Variants in AGPS observed in about 807,000 individuals in gnomAD.
The protein encoded by AGPS is alkyldihydroxyacetonephosphate synthase, peroxisomal.
Under a neutral mutation model 90.7 loss-of-function variants are expected in AGPS, and 26 were observed. The observed-to-expected ratio is 0.29, with a 90% confidence interval of 0.21 to 0.40. The LOEUF is 0.40. Among genes scored for constraint, AGPS ranks in the 10% least tolerant of loss-of-function variants. AGPS has a pLI of 1.00. For synonymous variants in AGPS, 294 were observed against 285.3 expected, an observed-to-expected ratio of 1.03 and a Z score of -0.31; for missense variants, 540 against 816.1, an observed-to-expected ratio of 0.66 and a Z score of 4.12.
At chr2:177,454,146 G>T (rs1347232553) in intron 8 of AGPS, among the ~76,000 whole-genome samples, 1 of 151,056 alleles carries the variant, frequency 6.6e-6, no homozygotes, top group East Asian at 2.0e-4. Context: ...GAAAAACTTT[G>T]TCCATTATTT....
At position 177,392,976 on chromosome 2, in the gene AGPS, G is replaced by A. The variant is rs1685062532; in HGVS notation, c.187G>A (p.Ala63Thr). 2 of 1,549,914 alleles carry A rather than the reference G, an allele frequency of 1.3e-6. No individual in the cohort carries two copies. The highest frequency in any genetic ancestry group is 2.0e-5 in the Admixed American group (1 of 50,962). ...LSTNECKARRAASAATAAPTA... is the reference protein window; with the variant it reads ...LSTNECKARRTASAATAAPTA... Reference sequence around the variant, plus strand: ...TACCAATGAGTGCAAAGCGCGGAGAGCCGCGTCGGCGGCCACGGCAGCGCC... The same window carrying A: ...TACCAATGAGTGCAAAGCGCGGAGAACCGCGTCGGCGGCCACGGCAGCGCC... The change falls in exon 1 of 20, where the codon GCC becomes ACC. Residue 63 changes from alanine (A) to threonine (T), a missense_variant. Coordinates refer to ENST00000264167, the MANE Select transcript of AGPS (RefSeq NM_003659.4).
At chr2:177,405,673 G>GTTTTTTTTTTTTTTTTTTTTTTT (rs56860445) in intron 1 of AGPS, among the ~76,000 whole-genome samples, 1 of 144,908 alleles carries the variant, frequency 6.9e-6, no homozygotes. Context: ...CTATTCTGTT[G>GTTTTTTTTTTTTTTTTTTTTTTT]TTTTTTTTTT....
intron 2 of AGPS, among the ~76,000 whole-genome samples, chr2:177,429,110 A>T (rs1396502555): frequency 6.6e-6 from 1 of 151,994 alleles, no homozygotes; most frequent in Non-Finnish European, 1.5e-5. Flanking sequence ...TGCTATTGAT[A>T]CTTGTGATTG....
At chr2:177,401,755 A>T (rs996994416) in intron 1 of AGPS, among the ~76,000 whole-genome samples, 1 of 152,130 alleles carries the variant, frequency 6.6e-6, no homozygotes, top group Non-Finnish European at 1.5e-5. Flanking sequence ...CTGTTGGACC[A>T]TGCTAGTCTC....
chr2:177,420,403 C>G (rs1341371593), intron 2 of AGPS, 45 bp downstream of exon 2: 1 of 1,409,090 alleles, frequency 7.1e-7, no homozygotes, highest in Non-Finnish European at 1.0e-6. Flanking sequence ...TTAATTCTTT[C>G]TTTCTATGAA....
chr2:177,423,692 C>G (rs1685995803), intron 2 of AGPS, among the ~76,000 whole-genome samples: 1 of 152,156 alleles, frequency 6.6e-6, no homozygotes, highest in Non-Finnish European at 1.5e-5. Context: ...TTTGACATTT[C>G]AAGCCCAGGC....
chr2:177,466,653 G>T (rs1687456487), intron 9 of AGPS, among the ~76,000 whole-genome samples: 1 of 152,222 alleles, frequency 6.6e-6, no homozygotes, highest in African/African-American at 2.4e-5. Context: ...GAGGCAGCAG[G>T]GTGCTGGCAT....
intron 2 of AGPS, among the ~76,000 whole-genome samples, chr2:177,431,787 T>C (rs904588266): frequency 3.9e-5 from 6 of 152,174 alleles, no homozygotes; most frequent in African/African-American, 9.7e-5. Context: ...ATTGCTGTTA[T>C]TCTGTTCGTT....
At chr2:177,437,703 T>G (rs1686456476) in intron 5 of AGPS, among the ~76,000 whole-genome samples, 1 of 152,142 alleles carries the variant, frequency 6.6e-6, no homozygotes, top group Non-Finnish European at 1.5e-5. Flanking sequence ...TTTTAAAGAG[T>G]TCTATTGATC....
At chr2:177,471,780 T>G (rs769429217) in intron 10 of AGPS, among the ~76,000 whole-genome samples, 1 of 152,184 alleles carries the variant, frequency 6.6e-6, no homozygotes, top group Non-Finnish European at 1.5e-5. Flanking sequence ...TTTCTGTGGC[T>G]GTGATACTTG....
intron 8 of AGPS, among the ~76,000 whole-genome samples, chr2:177,446,042 G>T (rs1466191525): frequency 6.6e-6 from 1 of 152,104 alleles, no homozygotes; most frequent in Non-Finnish European, 1.5e-5. Context: ...AGTGGCAAAG[G>T]ACACAGCATT....
chr2:177,420,484 C>T (rs761289847), intron 2 of AGPS, 126 bp downstream of exon 2: 1 of 723,794 alleles, frequency 1.4e-6, no homozygotes, highest in East Asian at 2.7e-5. Flanking sequence ...TTTGCCATAA[C>T]TGCTTTTTGT....
chr2:177,527,397 C>G (rs768617262), intron 19 of AGPS, among the ~76,000 whole-genome samples: 1 of 152,090 alleles, frequency 6.6e-6, no homozygotes, highest in Non-Finnish European at 1.5e-5. Flanking sequence ...CATTGCACTC[C>G]AGCCTGGGTG....
At chr2:177,535,336 A>G (rs1468927229) in intron 19 of AGPS, among the ~76,000 whole-genome samples, 1 of 152,134 alleles carries the variant, frequency 6.6e-6, no homozygotes, top group Non-Finnish European at 1.5e-5. Flanking sequence ...ACAGAGTATA[A>G]TTTCTTCCCT....
intron 11 of AGPS, among the ~76,000 whole-genome samples, chr2:177,485,083 T>A (rs944821423): frequency 6.6e-6 from 1 of 152,196 alleles, no homozygotes; most frequent in Non-Finnish European, 1.5e-5. Flanking sequence ...TTAGATTTTT[T>A]AAAAAATTAC....
At chr2:177,442,946 T>G (rs1446125832) in intron 7 of AGPS, among the ~76,000 whole-genome samples, 1 of 152,278 alleles carries the variant, frequency 6.6e-6, no homozygotes, top group East Asian at 1.9e-4. Flanking sequence ...CCCTCAGGTA[T>G]ATATGTTGAT....
intron 19 of AGPS, 152 bp from the exon 20 acceptor site, chr2:177,537,922 C>A: frequency 9.5e-7 from 1 of 1,052,944 alleles, no homozygotes; most frequent in Non-Finnish European, 1.4e-6. Flanking sequence ...GCTTGATAGT[C>A]TGGTGGGCTC....
At chr2:177,466,824 C>T (rs1032710040) in intron 9 of AGPS, among the ~76,000 whole-genome samples, 10 of 151,962 alleles carry the variant, frequency 6.6e-5, no homozygotes, top group African/African-American at 2.4e-4. Flanking sequence ...GCTTCCCAGG[C>T]CCCCAAGAGT....
intron 6 of AGPS, among the ~76,000 whole-genome samples, chr2:177,441,797 C>G (rs1686610773): frequency 6.6e-6 from 1 of 152,090 alleles, no homozygotes; most frequent in Admixed American, 6.5e-5. Flanking sequence ...AGGCATTTTT[C>G]CTTTGACAGT....
Sources: gnomAD v4.1 joint callset for allele counts (sites outside exome capture counted in the v4.1 genomes callset) on GRCh38, gnomAD v4.1.1 for gene constraint, MANE v1.5 for transcripts, NCBI Gene and HGNC (gene_info 2026-07-23, HGNC 2026-07-21) for gene names.